The following RYR2 variants were observed in gnomAD, a reference collection of about 807,000 sequenced individuals.
RYR2 encodes the protein cardiac muscle ryanodine receptor-calcium release channel.
A neutral mutation model predicts 601.1 loss-of-function variants in RYR2; 227 were observed. The ratio of observed to expected loss-of-function variants is 0.38; its 90% CI spans 0.34 to 0.42. RYR2 has a LOEUF of 0.42. Among genes scored for constraint, RYR2 ranks in the 10% least tolerant of loss-of-function variants. RYR2 has a pLI of 1.00. For synonymous variants in RYR2, 2,223 were observed against 2,175.1 expected, an observed-to-expected ratio of 1.02 and a Z score of -0.61; for missense variants, 4,646 against 6,156.5, an observed-to-expected ratio of 0.75 and a Z score of 8.21.
intron 1 of RYR2, among the ~76,000 whole-genome samples, chr1:237,047,632 ATGTCCCTCTC>A (rs1400470781): frequency 6.6e-6 from 1 of 152,026 alleles, no homozygotes; most frequent in African/African-American, 2.4e-5. Flanking sequence ...CCACGTCTAA[ATGTCCCTCTC>A]TGTCCCTATT....
chr1:237,617,216 G>T, intron 37 of RYR2, 70 bp from the exon 38 acceptor site: 1 of 1,375,040 alleles, frequency 7.3e-7, no homozygotes, highest in South Asian at 1.4e-5. Flanking sequence ...GTTTACCACA[G>T]ATTATGATTT....
intron 1 of RYR2, among the ~76,000 whole-genome samples, chr1:237,132,215 G>A (rs1238358384): frequency 6.6e-6 from 1 of 152,222 alleles, no homozygotes; most frequent in Non-Finnish European, 1.5e-5. Flanking sequence ...GGACACTCAA[G>A]TAATCTATAG....
chr1:237,820,215 G>A (rs1011811138), intron 101 of RYR2, among the ~76,000 whole-genome samples: 17 of 151,744 alleles, frequency 1.1e-4, no homozygotes, highest in Non-Finnish European at 1.6e-4. Context: ...AAAGGTGGGG[G>A]AGGGAGGGTA....
intron 35 of RYR2, among the ~76,000 whole-genome samples, chr1:237,607,997 C>T (rs1156767680): frequency 6.6e-6 from 1 of 152,150 alleles, no homozygotes; most frequent in African/African-American, 2.4e-5. Context: ...ATACAATATA[C>T]ATACGTATGC....
rs527488042 is a variant in RYR2 at position 237,227,549 on chromosome 1, C to G, written c.49-42948C>G. Among the ~76,000 whole-genome samples the G allele has an allele frequency of 5.9e-4, 90 of 152,270 alleles. 1 individual carries two copies. The South Asian group carries it at 6.2e-3, about 11-fold the overall frequency. On this transcript the variant is annotated intron_variant, in intron 1 of 104. Transcript: ENST00000366574. Reference sequence around the variant, plus strand: ...AGAAAAAAATGAAATGGATTCTTGGCCAGGGCTAGTGTCTGGGTGGAGTTT... The same window carrying G: ...AGAAAAAAATGAAATGGATTCTTGGGCAGGGCTAGTGTCTGGGTGGAGTTT...
At chr1:237,531,947 T>G (rs2147951098) in intron 25 of RYR2, among the ~76,000 whole-genome samples, 1 of 152,304 alleles carries the variant, frequency 6.6e-6, no homozygotes, top group Non-Finnish European at 1.5e-5. Flanking sequence ...CTTTTTCAAC[T>G]GTATTTTCAA....
intron 2 of RYR2, among the ~76,000 whole-genome samples, chr1:237,300,677 A>T (rs1572523090): frequency 1.3e-5 from 2 of 152,246 alleles, no homozygotes; most frequent in South Asian, 4.2e-4. Context: ...CATCTTCCTG[A>T]TGACACCCCT....
chr1:237,471,532 G>C (rs1256933907), intron 17 of RYR2, among the ~76,000 whole-genome samples: 1 of 152,178 alleles, frequency 6.6e-6, no homozygotes, highest in Non-Finnish European at 1.5e-5. Flanking sequence ...TCTTCTGCTG[G>C]ACCCAGTGGT....
At chr1:237,212,356 T>C (rs1256278504) in intron 1 of RYR2, among the ~76,000 whole-genome samples, 1 of 152,196 alleles carries the variant, frequency 6.6e-6, no homozygotes, top group East Asian at 1.9e-4. Context: ...CATCCCTCTA[T>C]TAATGAACAT....
intron 93 of RYR2, 128 bp downstream of exon 93, chr1:237,791,643 C>G (rs1658389571): frequency 1.6e-6 from 1 of 617,452 alleles, no homozygotes; most frequent in African/African-American, 1.8e-5. Context: ...ATACTGGTGC[C>G]TAGGCACTGA....
chr1:237,662,592 C>T (rs1427373131), intron 56 of RYR2, among the ~76,000 whole-genome samples: 2 of 151,816 alleles, frequency 1.3e-5, no homozygotes, highest in Admixed American at 6.6e-5. Flanking sequence ...CTCCCACTGC[C>T]CTTAATAACA....
At chr1:237,432,103 T>A (rs1477077498) in intron 12 of RYR2, among the ~76,000 whole-genome samples, 3 of 148,702 alleles carry the variant, frequency 2.0e-5, no homozygotes, top group Non-Finnish European at 1.5e-5. Context: ...AATGGTCTTT[T>A]TTTTTTATTC....
intron 29 of RYR2, among the ~76,000 whole-genome samples, chr1:237,583,023 C>T (rs1674106828): frequency 6.6e-6 from 1 of 151,854 alleles, no homozygotes; most frequent in African/African-American, 2.4e-5. Context: ...CACAGTGGCT[C>T]AACTTATTTA....
intron 1 of RYR2, among the ~76,000 whole-genome samples, chr1:237,082,533 A>ATATATATATT (rs1665837455): frequency 9.1e-6 from 1 of 109,674 alleles, no homozygotes; most frequent in Non-Finnish European, 1.8e-5. Flanking sequence ...ACATATATAT[A>ATATATATATT]TATATATATA....
chr1:237,625,914 T>A, intron 40 of RYR2, 110 bp downstream of exon 40: 1 of 1,261,772 alleles, frequency 7.9e-7, no homozygotes, highest in Non-Finnish European at 1.1e-6. Context: ...AGTTTGCAAC[T>A]TCCAAGAATC....
At position 237,808,963 on chromosome 1, in the gene RYR2, T is replaced by G. The variant is rs1301435412; in HGVS notation, c.14361T>G (p.Asn4787Lys). The G allele has an allele frequency of 6.2e-7, 1 of 1,613,256 alleles. No individual in the cohort carries two copies. The highest frequency in any genetic ancestry group is 1.1e-5 in the South Asian group (1 of 91,064). Residue 4787 changes from asparagine to lysine, a missense_variant, in exon 100 of 105, where the codon AAT becomes AAG. By Grantham distance (94) the Asn-to-Lys change is moderately conservative. This residue lies in a region of RYR2 where 21 missense variants were observed against 24.8 expected (regional missense o/e 0.85). Coordinates refer to ENST00000366574, the MANE Select transcript of RYR2 (RefSeq NM_001035.3). ...VVYLYTVVAFNFFRKFYNKSE... is the reference protein window; with the variant it reads ...VVYLYTVVAFKFFRKFYNKSE... ...ACCTATACACTGTGGTGGCATTCAA[T>G]TTTTTCCGAAAATTCTACAATAAAA...
chr1:237,648,721 T>G lies in RYR2; in HGVS notation c.7512+108T>G. 2.4e-6 allele frequency: 3 copies of G among 1,238,986 alleles called. No individual in the cohort carries two copies. In the South Asian group the frequency reaches 5.1e-5, roughly 21 times the overall value. The allele number at this position is 1,238,986 out of a possible 1,614,324, so 76.7% of individuals were successfully genotyped here. A position where few individuals can be genotyped will look rare whatever the true frequency, so the allele number is the denominator to read the frequency against. ...TAATTTATTGACAATGAATGTTTAT[T>G]GAGTACCTGTTATATTTTCAGGTAA... On this transcript the variant is annotated intron_variant, in intron 49 of 104. Coordinates refer to ENST00000366574, the MANE Select transcript of RYR2 (RefSeq NM_001035.3).
chr1:237,231,399 G>C (rs916445325), intron 1 of RYR2, among the ~76,000 whole-genome samples: 3 of 150,828 alleles, frequency 2.0e-5, no homozygotes, highest in Non-Finnish European at 4.4e-5. Flanking sequence ...GGGCTTAAGC[G>C]ATCCTCCTGC....
chr1:237,590,561 G>C (rs1025482566), intron 30 of RYR2, 79 bp from the exon 31 acceptor site: 90 of 1,197,404 alleles, frequency 7.5e-5, no homozygotes, highest in Admixed American at 2.1e-4. Context: ...CTGAAAACGT[G>C]ATGTGCCTTA....
Sources: allele counts gnomAD v4.1 joint callset (sites outside exome capture counted in the v4.1 genomes callset), GRCh38; gene constraint gnomAD v4.1.1; regional missense constraint gnomAD v4.1.1; transcripts MANE v1.5; gene names NCBI Gene and HGNC (gene_info 2026-07-23, HGNC 2026-07-21).